Variants in DTNB observed in about 807,000 individuals in gnomAD.
The protein encoded by DTNB is dystrobrevin beta.
Under a neutral mutation model 90.7 loss-of-function variants are expected in DTNB, and 63 were observed. The observed-to-expected ratio is 0.69, with a 90% CI of 0.57 to 0.86. DTNB has a LOEUF of 0.86. DTNB is among the 40% of genes least tolerant of loss of function. The pLI is 0.00. For synonymous variants in DTNB, 277 were observed against 286.7 expected (o/e 0.97, Z 0.34); for missense variants, 744 against 807.1 (o/e 0.92, Z 0.95).
intron 9 of DTNB, among the ~76,000 whole-genome samples, chr2:25,497,970 C>T (rs2069380134): frequency 6.6e-6 from 1 of 152,130 alleles, no homozygotes; most frequent in Admixed American, 6.5e-5. Context: ...CTCATCATGT[C>T]ACCATTCTAC....
chr2:25,617,143 G>A (rs1245023418), intron 4 of DTNB, among the ~76,000 whole-genome samples: 1 of 152,054 alleles, frequency 6.6e-6, no homozygotes, highest in Admixed American at 6.6e-5. Context: ...GCACTTTCAG[G>A]TGAACAAATG....
chr2:25,551,532 A>T (rs752300646), intron 8 of DTNB, among the ~76,000 whole-genome samples: 2 of 152,320 alleles, frequency 1.3e-5, no homozygotes, highest in East Asian at 3.9e-4. Flanking sequence ...GGGTCCCAGC[A>T]GTACTGAGAA....
At chr2:25,400,856 T>A (rs190146708) in intron 16 of DTNB, among the ~76,000 whole-genome samples, 37 of 152,296 alleles carry the variant, frequency 2.4e-4, no homozygotes, top group Admixed American at 2.2e-3. Flanking sequence ...TTGGAAACAA[T>A]TCTGTTGCAA....
At chr2:25,402,534 G>A (rs2043997391) in intron 16 of DTNB, among the ~76,000 whole-genome samples, 1 of 144,010 alleles carries the variant, frequency 6.9e-6, no homozygotes, top group South Asian at 2.2e-4. Context: ...TGGAGAGAGG[G>A]GCTAAAGAGT....
chr2:25,456,635 T>C (rs1249423459), intron 10 of DTNB, among the ~76,000 whole-genome samples: 3 of 152,004 alleles, frequency 2.0e-5, no homozygotes, highest in African/African-American at 7.2e-5. Context: ...TGCAATGGCA[T>C]GATCTCGGGT....
intron 3 of DTNB, among the ~76,000 whole-genome samples, chr2:25,633,377 G>A (rs1415989022): frequency 6.6e-6 from 1 of 152,160 alleles, no homozygotes; most frequent in East Asian, 1.9e-4. Context: ...TGTTGGCCGG[G>A]CTGGTCTCCA....
At chr2:25,443,141 G>A (rs1386510214) in intron 12 of DTNB, among the ~76,000 whole-genome samples, 3 of 152,184 alleles carry the variant, frequency 2.0e-5, no homozygotes, top group Non-Finnish European at 2.9e-5. Context: ...GGATGGAGGC[G>A]TTAAGGCCAG....
chr2:25,541,186 T>C (rs1392166756), intron 8 of DTNB, among the ~76,000 whole-genome samples: 1 of 151,990 alleles, frequency 6.6e-6, no homozygotes, highest in Non-Finnish European at 1.5e-5. Context: ...AATATATATA[T>C]ATACAGTTCA....
intron 18 of DTNB, among the ~76,000 whole-genome samples, chr2:25,386,892 C>G (rs2039625203): frequency 6.6e-6 from 1 of 152,202 alleles, no homozygotes; most frequent in Non-Finnish European, 1.5e-5. Flanking sequence ...CAGAGCTTTC[C>G]TGGCTGATTC....
intron 3 of DTNB, among the ~76,000 whole-genome samples, chr2:25,634,084 CAG>C (rs1430540547): frequency 6.6e-6 from 1 of 151,776 alleles, no homozygotes; most frequent in Non-Finnish European, 1.5e-5. Flanking sequence ...GGGGGTCAGC[CAG>C]CCGCCCCGTC....
intron 10 of DTNB, among the ~76,000 whole-genome samples, chr2:25,479,410 T>A (rs980148080): frequency 1.3e-5 from 2 of 152,184 alleles, no homozygotes; most frequent in African/African-American, 4.8e-5. Flanking sequence ...TAAGCCTATG[T>A]TTTAAAGCCT....
chr2:25,671,791 G>T (rs973704543), intron 1 of DTNB, among the ~76,000 whole-genome samples: 1 of 152,068 alleles, frequency 6.6e-6, no homozygotes, highest in African/African-American at 2.4e-5. Context: ...TTTTAATTTG[G>T]CAGACAAAGT....
At chr2:25,663,526 T>C (rs566694724) in intron 1 of DTNB, among the ~76,000 whole-genome samples, 4 of 152,226 alleles carry the variant, frequency 2.6e-5, no homozygotes, top group Non-Finnish European at 5.9e-5. Flanking sequence ...TTATTCTTTA[T>C]GCTTTATATG....
chr2:25,604,183 C>G (rs535054493), intron 5 of DTNB, among the ~76,000 whole-genome samples: 1 of 152,034 alleles, frequency 6.6e-6, no homozygotes, highest in South Asian at 2.1e-4. Flanking sequence ...AAACCACTGC[C>G]GCCACCACCA....
At chr2:25,422,476 G>A (rs986478342) in intron 15 of DTNB, among the ~76,000 whole-genome samples, 5 of 142,226 alleles carry the variant, frequency 3.5e-5, no homozygotes, top group African/African-American at 1.3e-4. Flanking sequence ...CGCGATCTCG[G>A]CTCAGTGTGA....
In DTNB at chr2:25,388,281, AGAC is replaced by A; in HGVS notation, c.1653_1655del (p.Ser552del). On this transcript the variant is annotated inframe_deletion, in exon 17 of 21. Coordinates refer to ENST00000406818, the MANE Select transcript of DTNB (RefSeq NM_021907.5). Reference sequence around the variant, plus strand: ...GACAGTGGGTGGGGGTGGAGCCGGCAGACGTGGAGCGCACTGGCATGGGCATTG... The same window carrying A: ...GACAGTGGGTGGGGGTGGAGCCGGCAGTGGAGCGCACTGGCATGGGCATTG... The A allele has an allele frequency of 6.2e-7, 1 of 1,612,606 alleles. No homozygotes were observed. The highest frequency in any genetic ancestry group is 8.5e-7 in the Non-Finnish European group (1 of 1,179,448).
chr2:25,609,657 TAC>T (rs4007298), intron 4 of DTNB, among the ~76,000 whole-genome samples: 7,652 of 126,946 alleles, frequency 0.06, 314 homozygotes, highest in East Asian at 0.26. Flanking sequence ...TAATAGAATG[TAC>T]ACACACACAC....
intron 8 of DTNB, among the ~76,000 whole-genome samples, chr2:25,535,520 C>A (rs2079362500): frequency 6.7e-6 from 1 of 148,698 alleles, no homozygotes; most frequent in Admixed American, 6.7e-5. Context: ...GCGCTCTTCA[C>A]TTCCCAGACG....
intron 20 of DTNB, among the ~76,000 whole-genome samples, chr2:25,378,702 G>A (rs1370612291): frequency 6.6e-6 from 1 of 152,238 alleles, no homozygotes; most frequent in Non-Finnish European, 1.5e-5. Context: ...TAAAGGCAAT[G>A]AGCATCTGCC....
Sources: allele counts gnomAD v4.1 joint callset (sites outside exome capture counted in the v4.1 genomes callset), GRCh38; gene constraint gnomAD v4.1.1; transcripts MANE v1.5; gene names NCBI Gene and HGNC (gene_info 2026-07-23, HGNC 2026-07-21).